Variants in UTS2 observed in about 807,000 individuals in gnomAD.
The protein encoded by UTS2 is urotensin 2, also known as urotensin-2.
In UTS2, 10 loss-of-function variants were observed where a neutral mutation model predicts 12.6. That is an observed-to-expected ratio of 0.80 (90% CI 0.49 to 1.35). The LOEUF is 1.35. Among genes scored for constraint, UTS2 ranks in the 40% most tolerant of loss-of-function variants. UTS2 has a pLI of 0.00. For synonymous variants in UTS2, 52 were observed against 50.0 expected (o/e 1.04, Z -0.17); for missense variants, 142 against 143.2 (o/e 0.99, Z 0.04).
chr1:7,901,146 C>T, the UTS2 span, among the ~76,000 whole-genome samples: 98,118 of 152,084 alleles, frequency 0.65, 32,223 homozygotes, highest in African/African-American at 0.74. Context: ...GGCAAAAACC[C>T]GTTCATAGTA....
In UTS2 at chr1:7,847,722, T is replaced by TAAGA; in HGVS notation, c.*40_*43dup. ...AAGCATTGTGTTATTTTTCATATTC[T>TAAGA]AAGATGGGTGTTTCTGAGCTGACTA... is the stretch of plus-strand genomic sequence containing the variant. On this transcript the variant is annotated 3_prime_UTR_variant, in exon 4 of 4. Coordinates refer to ENST00000361696, the MANE Select transcript of UTS2 (RefSeq NM_006786.4). 6.9e-7 allele frequency: 1 copy of TAAGA among 1,443,538 alleles called. No homozygotes were observed. Among genetic ancestry groups the TAAGA allele is most frequent in the Non-Finnish European group, 9.7e-7 (1 of 1,035,470 alleles). The allele number at this position is 1,443,538 out of a possible 1,614,324, so 89.4% of individuals were successfully genotyped here. A position where few individuals can be genotyped will look rare whatever the true frequency, so the allele number is the denominator to read the frequency against.
At chr1:7,861,041 C>CAAAA in the UTS2 span, among the ~76,000 whole-genome samples, 1,620 of 74,674 alleles carry the variant, frequency 0.022, 49 homozygotes, top group African/African-American at 0.076. Context: ...GGCCTTATCT[C>CAAAA]AAAAAAAAAA....
Position 7,850,640 on chromosome 1 carries a change from G to C in UTS2, c.214+172C>G, listed in dbSNP as rs184482691. ...AAGAGCACAGTGCGAGCAAGGAGCT[G>C]CTGGGGAAAAGAAGGTTGCACAGGC... On this transcript the variant is annotated intron_variant, in intron 2 of 3. Transcript: ENST00000361696. Among the ~76,000 whole-genome samples, 4 of 152,318 alleles carry C rather than the reference G, an allele frequency of 2.6e-5. No homozygotes were observed. The East Asian group carries it at 7.7e-4, about 29-fold the overall frequency.
chr1:7,897,169 T>A, the UTS2 span, among the ~76,000 whole-genome samples: 2 of 152,252 alleles, frequency 1.3e-5, no homozygotes, highest in Admixed American at 6.5e-5. Context: ...ATGTTAACAA[T>A]GAGTTCTTGG....
chr1:7,906,510 A>AGAAAGAAAAG, the UTS2 span, among the ~76,000 whole-genome samples: 2 of 144,856 alleles, frequency 1.4e-5, no homozygotes, highest in Admixed American at 1.4e-4. Context: ...AAAGAAAGAA[A>AGAAAGAAAAG]AGAGGGAGGG....
At chr1:7,865,987 C>T in the UTS2 span, among the ~76,000 whole-genome samples, 10 of 152,184 alleles carry the variant, frequency 6.6e-5, no homozygotes, top group East Asian at 3.9e-4. Flanking sequence ...AGGATCTCAA[C>T]GGATGAATGT....
intron 3 of UTS2, 42 bp from the exon 4 acceptor site, chr1:7,847,924 A>G (rs4908485): frequency 0.14 from 188,834 of 1,383,156 alleles, 14,890 homozygotes; most frequent in Non-Finnish European, 0.15. Flanking sequence ...AAAAAAACAG[A>G]TAAGTTACCA....
At chr1:7,872,404 T>C in the UTS2 span, among the ~76,000 whole-genome samples, 1 of 151,722 alleles carries the variant, frequency 6.6e-6, no homozygotes, top group East Asian at 1.9e-4. Context: ...CTAGGCCTCT[T>C]GTACCAGTTA....
chr1:7,896,135 G>C, the UTS2 span, among the ~76,000 whole-genome samples: 1 of 152,104 alleles, frequency 6.6e-6, no homozygotes, highest in Non-Finnish European at 1.5e-5. Context: ...TTGTTTTCTA[G>C]GTGTTATTTG....
chr1:7,911,213 A>G, the UTS2 span, among the ~76,000 whole-genome samples: 16 of 152,270 alleles, frequency 1.1e-4, no homozygotes, highest in Non-Finnish European at 2.9e-5. Flanking sequence ...CAGGGTCTAT[A>G]TTTGGAAACA....
chr1:7,872,632 G>A, the UTS2 span, among the ~76,000 whole-genome samples: 1 of 152,182 alleles, frequency 6.6e-6, no homozygotes, highest in Non-Finnish European at 1.5e-5. Flanking sequence ...GGCTGAGAGA[G>A]GTGAGGAAGC....
the UTS2 span, among the ~76,000 whole-genome samples, chr1:7,866,873 TG>T: frequency 6.6e-6 from 1 of 152,162 alleles, no homozygotes; most frequent in African/African-American, 2.4e-5. The surrounding 1 kb of genome is among the most constrained non-coding windows in gnomAD (Gnocchi z 4.5). Flanking sequence ...TTTTTGTTTT[TG>T]CCTTTGTTTT....
chr1:7,854,441 A>G (rs1638260040), upstream of UTS2, among the ~76,000 whole-genome samples: 1 of 149,586 alleles, frequency 6.7e-6, no homozygotes, highest in African/African-American at 2.5e-5. Flanking sequence ...GAGCCTGGGA[A>G]GTTGAGGCTG....
chr1:7,866,956 G>A, the UTS2 span, among the ~76,000 whole-genome samples: 21 of 152,042 alleles, frequency 1.4e-4, no homozygotes, highest in Non-Finnish European at 2.6e-4. This position sits in a 1 kb window ranked among gnomAD's most constrained non-coding sequence, Gnocchi z 4.5. Flanking sequence ...TGCAACCTCC[G>A]CCTCCTGGGT....
the UTS2 span, among the ~76,000 whole-genome samples, chr1:7,865,423 CTGTGTG>C: frequency 3.3e-5 from 1 of 29,974 alleles, no homozygotes; most frequent in Non-Finnish European, 7.6e-5. Context: ...AGCGGTCCCT[CTGTGTG>C]TCTGTCTGTC....
chr1:7,892,295 A>G, the UTS2 span, among the ~76,000 whole-genome samples: 1 of 152,024 alleles, frequency 6.6e-6, no homozygotes. Context: ...TCGAGCGGTC[A>G]CCTGGGCTTC....
chr1:7,879,364 A>C, the UTS2 span, among the ~76,000 whole-genome samples: 8 of 152,244 alleles, frequency 5.3e-5, no homozygotes, highest in African/African-American at 1.9e-4. Flanking sequence ...GAAACTTTGG[A>C]AACTACACAA....
At chr1:7,876,593 C>T in the UTS2 span, among the ~76,000 whole-genome samples, 5 of 152,118 alleles carry the variant, frequency 3.3e-5, no homozygotes. Context: ...CACCCACTAC[C>T]ACTGGTATCC....
chr1:7,906,476 A>AAAGAAAGAAAGAAAGAAAGAAAGG, the UTS2 span, among the ~76,000 whole-genome samples: 1 of 147,678 alleles, frequency 6.8e-6, no homozygotes, highest in Non-Finnish European at 1.5e-5. Context: ...AGAAAGAAAG[A>AAAGAAAGAAAGAAAGAAAGAAAGG]AAGAAAGAAA....
Sources: gnomAD v4.1 joint callset for allele counts (sites outside exome capture counted in the v4.1 genomes callset) on GRCh38, gnomAD v4.1.1 for gene constraint, Gnocchi (gnomAD v3.1) non-coding constraint, MANE v1.5 for transcripts, NCBI Gene and HGNC (gene_info 2026-07-23, HGNC 2026-07-21) for gene names.